The following MAPT variants were observed in gnomAD, a reference collection of about 807,000 sequenced individuals.
MAPT encodes microtubule associated protein tau.
Under a neutral mutation model 67.9 loss-of-function variants are expected in MAPT, and 34 were observed. The observed-to-expected ratio is 0.50, with a 90% confidence interval of 0.38 to 0.67. MAPT has a LOEUF of 0.67. MAPT is among the 30% of genes least tolerant of loss of function. MAPT has a pLI of 0.00. For missense variants in MAPT, 881 were observed against 1,115.2 expected, an observed-to-expected ratio of 0.79 and a Z score of 2.99; for synonymous variants, 456 against 464.5, an observed-to-expected ratio of 0.98 and a Z score of 0.23.
At chr17:45,994,052 G>A (rs2074281568) in intron 8 of MAPT, 6 of 1,430,778 alleles carry the variant, frequency 4.2e-6, no homozygotes, top group East Asian at 5.0e-5. Context: ...TGTTTCTAGA[G>A]CCGGGAGGAC....
At chr17:45,937,730 A>G (rs187380774) in intron 1 of MAPT, among the ~76,000 whole-genome samples, 122 of 152,082 alleles carry the variant, frequency 8.0e-4, no homozygotes, top group African/African-American at 2.8e-3. Context: ...GCACAACCAG[A>G]TAACACATGC....
chr17:45,903,502 G>A (rs1428323166), intron 1 of MAPT, among the ~76,000 whole-genome samples: 1 of 151,606 alleles, frequency 6.6e-6, no homozygotes, highest in African/African-American at 2.4e-5. Context: ...GGCAGATCAT[G>A]AGGTTAGGAG....
chr17:45,924,574 T>C (rs1203831324), intron 1 of MAPT, among the ~76,000 whole-genome samples: 3 of 152,204 alleles, frequency 2.0e-5, no homozygotes, highest in Non-Finnish European at 2.9e-5. Flanking sequence ...CCACCCTCCC[T>C]GACCACGCAG....
intron 1 of MAPT, among the ~76,000 whole-genome samples, chr17:45,914,056 AAGG>A (rs1398123075): frequency 1.3e-5 from 2 of 152,230 alleles, no homozygotes; most frequent in Non-Finnish European, 2.9e-5. Flanking sequence ...AGGATAAAAA[AAGG>A]AGGAGGGATT....
At chr17:45,980,612 C>A (rs1190343321) in intron 4 of MAPT, 1 of 141,116 alleles carries the variant, frequency 7.1e-6, no homozygotes, top group Non-Finnish European at 1.6e-5. Context: ...ACACTACAAT[C>A]CTGTATCCAT....
Position 45,917,778 on chromosome 17 carries a change from T to C in MAPT, c.-18+23092T>C, listed in dbSNP as rs533908729. On this transcript the variant is annotated intron_variant, in intron 1 of 12. Transcript: ENST00000262410. ...CTGGAGGATTCCAGCGTCTTTTTTTTTTTTTCTTTTTTTTTAAGACAGAGC... is the reference window on the plus strand; with the variant it reads ...CTGGAGGATTCCAGCGTCTTTTTTTCTTTTTCTTTTTTTTTAAGACAGAGC... 5.3e-5 allele frequency among the ~76,000 whole-genome samples: 6 copies of C among 112,720 alleles called. No individual in the cohort carries two copies. The South Asian group carries it at 1.5e-3, about 27-fold the overall frequency. 73.9% of individuals were successfully genotyped at this position (112,720 alleles called of 152,430 possible). A position where few individuals can be genotyped will look rare whatever the true frequency, so the allele number is the denominator to read the frequency against.
chr17:46,001,912 A>G (rs187573356), intron 9 of MAPT, among the ~76,000 whole-genome samples: 163 of 152,286 alleles, frequency 1.1e-3, no homozygotes, highest in African/African-American at 3.7e-3. Context: ...AGCAAGCCAG[A>G]GAAGACAGGC....
At chr17:45,929,960 G>A (rs1043181095) in intron 1 of MAPT, among the ~76,000 whole-genome samples, 2 of 152,152 alleles carry the variant, frequency 1.3e-5, no homozygotes, top group Non-Finnish European at 2.9e-5. Flanking sequence ...CCTCTGGCAA[G>A]CCAAGTTCCT....
intron 1 of MAPT, among the ~76,000 whole-genome samples, chr17:45,918,021 G>A (rs916846983): frequency 4.1e-4 from 63 of 152,164 alleles, no homozygotes; most frequent in Middle Eastern, 3.4e-3. Flanking sequence ...TGATCCACCC[G>A]CCTCAGCCTC....
intron 1 of MAPT, among the ~76,000 whole-genome samples, chr17:45,928,603 A>G (rs1051604088): frequency 2.0e-5 from 3 of 152,144 alleles, no homozygotes; most frequent in Admixed American, 6.6e-5. Context: ...TAAAGCCACA[A>G]TGCAAGACTC....
chr17:45,911,342 C>G (rs1394003140), intron 1 of MAPT, among the ~76,000 whole-genome samples: 2 of 152,216 alleles, frequency 1.3e-5, no homozygotes, highest in Non-Finnish European at 2.9e-5. Context: ...TACAAAAACC[C>G]TAAGGCCACA....
In MAPT at chr17:46,024,551, G is replaced by T; in HGVS notation, c.*380G>T. On this transcript the variant is annotated 3_prime_UTR_variant, in exon 13 of 13. Transcript: ENST00000262410. ...TGCTTCTGGGGGATTTCAAGGGACT[G>T]GGGGTGCCAACCACCTCTGGCCCTG... The T allele has an allele frequency of 2.8e-6, 1 of 358,550 alleles. No individual in the cohort carries two copies. Among genetic ancestry groups the T allele is most frequent in the South Asian group, 2.4e-5 (1 of 41,236 alleles). 22.2% of individuals were successfully genotyped at this position (358,550 alleles called of 1,614,324 possible).
Position 45,983,113 on chromosome 17 carries a change from C to A in MAPT, c.534C>A (p.Gly178=), listed in dbSNP as rs193145003. 424 of 1,561,218 alleles carry A rather than the reference C, an allele frequency of 2.7e-4. 1 individual carries two copies. The African/African-American group carries it at 5.1e-3, about 19-fold the overall frequency. Residue 178 remains glycine (G), a synonymous_variant, in exon 5 of 13, where the codon GGC becomes GGA. Transcript: ENST00000262410. The stretch of plus-strand genomic sequence containing the variant: ...CCTCCCTGGAGTGGGGACAAAAAGG[C>A]GGGGACTGGGCCGAGAAGGGTCCGG... ...QEPSLEWGQK[G]GDWAEKGPAF...
chr17:46,013,470 C>G (rs1003771561), intron 10 of MAPT, among the ~76,000 whole-genome samples: 13 of 152,238 alleles, frequency 8.5e-5, no homozygotes, highest in African/African-American at 3.1e-4. Context: ...AGGCCACAGG[C>G]CTCCTCATGT....
At position 45,983,699 on chromosome 17, in the gene MAPT, C is replaced by G. The variant is rs1568279740; in HGVS notation, c.1120C>G (p.Leu374Val). The change falls in exon 5 of 13, where the codon CTG becomes GTG. Residue 374 changes from leucine (L) to valine (V), a missense_variant. Around this residue, in one of 6 missense-constraint regions of MAPT, gnomAD observed 687 missense variants for 766.1 expected, o/e 0.90. Transcript: ENST00000262410. Reference protein sequence around the residue: ...VGRAKGQDAPLEFTFHVEITP... With the variant: ...VGRAKGQDAPVEFTFHVEITP... ...GCGGGCCAAAGGGCAGGATGCCCCC[C>G]TGGAGTTCACGTTTCACGTGGAAAT... 6.2e-7 allele frequency: 1 copy of G among 1,614,134 alleles called. No individual in the cohort carries two copies.
At chr17:45,994,418 TG>T (rs1179381950) in intron 8 of MAPT, among the ~76,000 whole-genome samples, 2 of 152,218 alleles carry the variant, frequency 1.3e-5, no homozygotes, top group African/African-American at 4.8e-5. Context: ...GCAGAGAGGC[TG>T]AGCCTGGAGG....
chr17:45,936,411 ACATG>A (rs1271036943), intron 1 of MAPT, among the ~76,000 whole-genome samples: 5 of 152,224 alleles, frequency 3.3e-5, no homozygotes, highest in Admixed American at 2.0e-4. Flanking sequence ...TAGAGGACAT[ACATG>A]CACATGCGTG....
chr17:45,983,276 C>T lies in MAPT; in HGVS notation c.697C>T (p.Leu233Phe). The change falls in exon 5 of 13, where the codon CTC (leucine) becomes TTC (phenylalanine). Residue 233 changes from leucine (L) to phenylalanine (F), a missense_variant. By Grantham distance (22) the Leu-to-Phe change is conservative (BLOSUM62 0). This residue lies in a region of MAPT where 687 missense variants were observed against 766.1 expected (regional missense o/e 0.90). Transcript: ENST00000262410. ...QLMSGMPGAP[L>F]LPEGPREATR... The stretch of plus-strand genomic sequence containing the variant: ...CATGTCCGGCATGCCTGGGGCTCCC[C>T]TCCTGCCTGAGGGCCCCAGAGAGGC... The T allele has an allele frequency of 6.3e-7, 1 of 1,598,892 alleles. No homozygotes were observed. Among genetic ancestry groups the T allele is most frequent in the Non-Finnish European group, 8.5e-7 (1 of 1,173,034 alleles).
At chr17:46,008,888 A>G (rs1350390613) in intron 9 of MAPT, among the ~76,000 whole-genome samples, 2 of 152,082 alleles carry the variant, frequency 1.3e-5, no homozygotes, top group African/African-American at 4.8e-5. Flanking sequence ...AATTATTTAC[A>G]CCTGAGACGA....
Sources: gnomAD v4.1 joint callset for allele counts (sites outside exome capture counted in the v4.1 genomes callset) on GRCh38, gnomAD v4.1.1 for gene constraint, gnomAD v4.1.1 regional missense constraint, MANE v1.5 for transcripts, NCBI Gene and HGNC (gene_info 2026-07-23, HGNC 2026-07-21) for gene names.